The following PHF8 variants were observed in gnomAD, a reference collection of about 807,000 sequenced individuals.
PHF8 encodes PHD finger protein 8.
A neutral mutation model predicts 74.4 loss-of-function variants in PHF8; 9 were observed. The observed-to-expected ratio is 0.12, with a 90% CI of 0.07 to 0.21. PHF8 has a LOEUF of 0.21. Ranked by LOEUF, PHF8 falls within the 10% of genes least tolerant of loss-of-function variation. The pLI, the probability that PHF8 is intolerant of heterozygous loss-of-function variation, is 1.00. For missense variants in PHF8, 478 were observed against 816.6 expected (o/e 0.59, Z 5.05); for synonymous variants, 311 against 316.6 (o/e 0.98, Z 0.19).
In PHF8 at chrX:53,966,514, G is replaced by A. The variant is rs893923780; in HGVS notation, c.2444-3575C>T. Among the ~76,000 whole-genome samples, 22 of 111,050 alleles carry A rather than the reference G, an allele frequency of 2.0e-4. No homozygotes were observed. The South Asian group carries it at 2.3e-3, about 12-fold the overall frequency. On this transcript the variant is annotated intron_variant, in intron 18 of 21. Transcript: ENST00000338154. ...CTCCGGAGGTGCCAGGATTGCAGAC[G>A]GTGTCTGGTTCACTCAGTGCTCAAT...
rs1177112381 is a variant in PHF8 at position 54,008,036 on chromosome X, T to C, written c.946+3086A>G. On this transcript the variant is annotated intron_variant, in intron 8 of 21. Transcript: ENST00000338154. The stretch of plus-strand genomic sequence containing the variant: ...TCAACTGACTAATGGATAAACAAAA[T>C]GTGGCATATCCACACCACAGAATAT... Among the ~76,000 whole-genome samples the C allele has an allele frequency of 2.7e-5, 3 of 112,163 alleles. No homozygotes were observed. In the Admixed American group the frequency reaches 2.8e-4, roughly 11 times the overall value.
intron 14 of PHF8, among the ~76,000 whole-genome samples, chrX:53,991,475 A>G (rs781892854): frequency 4.1e-4 from 45 of 109,606 alleles, no homozygotes; most frequent in African/African-American, 1.2e-3. Context: ...CAGCCTGGCC[A>G]ACATGCGGAA....
intron 2 of PHF8, among the ~76,000 whole-genome samples, chrX:54,027,842 G>T (rs1362836630): frequency 1.8e-5 from 2 of 111,126 alleles, no homozygotes. Flanking sequence ...ATGTTCTAGT[G>T]GGGAGGCAGA....
At chrX:54,044,535 GC>G (rs1557116966), upstream of PHF8, 1 of 405,667 alleles carries the variant, frequency 2.5e-6, no homozygotes. Flanking sequence ...CATCGGGGGG[GC>G]GGGGCGCCAC....
chrX:53,947,084 T>C (rs1557085354), intron 19 of PHF8, among the ~76,000 whole-genome samples: 1 of 111,677 alleles, frequency 9.0e-6, no homozygotes, highest in African/African-American at 3.3e-5. Flanking sequence ...TCATCTCGGC[T>C]CACTGCAACC....
In PHF8 at chrX:53,938,809, C is replaced by A; in HGVS notation, c.*349G>T. ...ACTTCATGGCTCAGGCTCCTTCATA[C>A]CTCTCCTCATCCTGCCTTCCAGCTC... is the stretch of plus-strand genomic sequence containing the variant. On this transcript the variant is annotated 3_prime_UTR_variant, in exon 22 of 22. Transcript: ENST00000338154. 5 of 806,456 alleles carry A rather than the reference C, an allele frequency of 6.2e-6. No individual in the cohort carries two copies. Among genetic ancestry groups the A allele is most frequent in the Non-Finnish European group, 7.4e-6 (5 of 673,111 alleles). 66.5% of individuals were successfully genotyped at this position (806,456 alleles called of 1,213,427 possible).
intron 8 of PHF8, among the ~76,000 whole-genome samples, chrX:54,009,567 G>A (rs782431696): frequency 5.5e-5 from 6 of 109,473 alleles, no homozygotes; most frequent in South Asian, 7.8e-4. Flanking sequence ...AAAGTGGGCC[G>A]GGTGCGGTGG....
At chrX:54,043,583 G>T (rs1393585139) in intron 1 of PHF8, among the ~76,000 whole-genome samples, 179 bp downstream of exon 1, 2 of 111,215 alleles carry the variant, frequency 1.8e-5, no homozygotes. Context: ...AAACTGACTA[G>T]AATTTCCTCA....
At chrX:53,977,034 A>G (rs1427818707) in intron 18 of PHF8, among the ~76,000 whole-genome samples, 1 of 112,898 alleles carries the variant, frequency 8.9e-6, no homozygotes, top group African/African-American at 3.2e-5. Context: ...TTCTATATCT[A>G]CTAAAGAAAA....
At chrX:53,967,030 G>A (rs1195495296) in intron 18 of PHF8, among the ~76,000 whole-genome samples, 18 of 107,362 alleles carry the variant, frequency 1.7e-4, no homozygotes, top group Non-Finnish European at 2.9e-4. Flanking sequence ...GAGACCCTCC[G>A]CCCGGCAGCT....
chrX:53,972,284 C>T (rs1232540931), intron 18 of PHF8, among the ~76,000 whole-genome samples: 5 of 95,772 alleles, frequency 5.2e-5, no homozygotes, highest in Non-Finnish European at 8.1e-5. Context: ...GATCACGTCA[C>T]TGCACTTCAG....
At position 53,962,343 on chromosome X, in the gene PHF8, A is replaced by G. The variant is rs2065118652; in HGVS notation, c.2539+501T>C. Among the ~76,000 whole-genome samples the G allele has an allele frequency of 2.7e-5, 3 of 112,105 alleles. No homozygotes were observed. In the Admixed American group the frequency reaches 2.9e-4, roughly 11 times the overall value. On this transcript the variant is annotated intron_variant, in intron 19 of 21. Coordinates refer to ENST00000338154, the MANE Select transcript of PHF8 (RefSeq NM_015107.3). ...CCTCAGTGTGAATACTATCCAGCCAAGGAGACGAAGAAAATTCTTCCATTA... is the reference window on the plus strand; with the variant it reads ...CCTCAGTGTGAATACTATCCAGCCAGGGAGACGAAGAAAATTCTTCCATTA...
chrX:53,970,389 A>G (rs1466398349), intron 18 of PHF8, among the ~76,000 whole-genome samples: 1 of 112,387 alleles, frequency 8.9e-6, no homozygotes, highest in Non-Finnish European at 1.9e-5. Context: ...ACTTTAGTAA[A>G]AACACACTGA....
At chrX:53,985,340 G>GAAAAAAA in intron 17 of PHF8, 113 bp from the exon 18 acceptor site, 1 of 610,131 alleles carries the variant, frequency 1.6e-6, no homozygotes, top group Admixed American at 3.0e-5. Context: ...AAAGTGGGAG[G>GAAAAAAA]AAAAAGGGGA....
At chrX:54,014,119 C>A (rs1188448437) in intron 7 of PHF8, among the ~76,000 whole-genome samples, 1 of 109,987 alleles carries the variant, frequency 9.1e-6, no homozygotes, top group Admixed American at 9.7e-5. Context: ...CCAAGCCCGG[C>A]TAATTTTTTT....
At chrX:54,040,538 GA>G (rs1190795310) in intron 2 of PHF8, among the ~76,000 whole-genome samples, 3 of 111,924 alleles carry the variant, frequency 2.7e-5, no homozygotes, top group African/African-American at 9.7e-5. Context: ...CCAAGAGGAA[GA>G]AGGACTTTTA....
At chrX:53,961,350 G>T (rs902451005) in intron 19 of PHF8, among the ~76,000 whole-genome samples, 5 of 102,471 alleles carry the variant, frequency 4.9e-5, no homozygotes, top group Non-Finnish European at 9.9e-5. Context: ...TCCCCGAGAC[G>T]GAGTTTCCCA....
upstream of PHF8, among the ~76,000 whole-genome samples, chrX:54,047,631 T>G (rs1324153174): frequency 9.0e-6 from 1 of 111,348 alleles, no homozygotes; most frequent in Non-Finnish European, 1.9e-5. Flanking sequence ...GCACTGGGGA[T>G]TTAGGGGTAA....
intron 18 of PHF8, among the ~76,000 whole-genome samples, chrX:53,972,321 C>CAAAAAAAAAAA (rs1236817498): frequency 2.9e-5 from 1 of 34,159 alleles, no homozygotes; most frequent in Non-Finnish European, 5.5e-5. Flanking sequence ...GACGCTGTCT[C>CAAAAAAAAAAA]AAAAAAAAAA....
Sources: gnomAD v4.1 joint callset for allele counts (sites outside exome capture counted in the v4.1 genomes callset) on GRCh38, gnomAD v4.1.1 for gene constraint, MANE v1.5 for transcripts, NCBI Gene and HGNC (gene_info 2026-07-23, HGNC 2026-07-21) for gene names.